HNRNPAB: variants seen among roughly 807,000 people sequenced by gnomAD.
HNRNPAB encodes ABBP-1.
In HNRNPAB, 17 loss-of-function variants were observed where a neutral mutation model predicts 44.1. The ratio of observed to expected loss-of-function variants is 0.39; its 90% CI spans 0.26 to 0.58. The LOEUF is 0.58. HNRNPAB is among the 20% of genes least tolerant of loss of function. The probability of loss-of-function intolerance (pLI) is 0.63; values close to 1 mark genes in which losing one functional copy is unlikely to be tolerated. For synonymous variants in HNRNPAB, 183 were observed against 167.6 expected, an observed-to-expected ratio of 1.09 and a Z score of -0.71; for missense variants, 393 against 432.7, an observed-to-expected ratio of 0.91 and a Z score of 0.81.
At chr5:178,209,501 TC>T in intron 6 of HNRNPAB, 54 bp downstream of exon 6, 1 of 1,475,966 alleles carries the variant, frequency 6.8e-7, no homozygotes, top group Non-Finnish European at 9.5e-7. Flanking sequence ...CATGGAGCCT[TC>T]CAAGCCTGTC....
chr5:178,205,186 G>C, intron 2 of HNRNPAB, 140 bp downstream of exon 2: 9 of 520,624 alleles, frequency 1.7e-5, no homozygotes, highest in Non-Finnish European at 2.5e-5. Flanking sequence ...CGCTGCGTTC[G>C]CGGGCCGGGC....
At chr5:178,209,577 G>C in intron 6 of HNRNPAB, 130 bp downstream of exon 6, 3 of 724,142 alleles carry the variant, frequency 4.1e-6, no homozygotes, top group South Asian at 1.7e-5. Flanking sequence ...GGACGAACAG[G>C]AATAGGAACG....
Position 178,207,007 on chromosome 5 carries a change from C to G in HNRNPAB, c.538-87C>G, listed in dbSNP as rs989283845. ...GCAGGGCTTATTTTTCACCCTCTGT[C>G]TTCAATGGGGTCTTTTCTCCTGTGA... On this transcript the variant is annotated intron_variant, in intron 4 of 7. Coordinates refer to ENST00000358344, the MANE Select transcript of HNRNPAB (RefSeq NM_031266.3). 6 of 1,587,672 alleles carry G rather than the reference C, an allele frequency of 3.8e-6. No individual in the cohort carries two copies. The Admixed American group carries it at 5.2e-5, about 14-fold the overall frequency.
chr5:178,210,237 A>G lies in HNRNPAB; in HGVS notation c.893A>G (p.Tyr298Cys), dbSNP rs1331172810. The change falls in exon 7 of 8, where the codon TAT (tyrosine) becomes TGT (cysteine). Residue 298 changes from tyrosine (Y) to cysteine (C), a missense_variant. Tyr to Cys is a radical substitution (Grantham distance 194). Around this residue, in one of 3 missense-constraint regions of HNRNPAB, gnomAD observed 210 missense variants for 196.9 expected, o/e 1.07. Transcript: ENST00000358344. Reference sequence around the variant, plus strand: ...TATGGCGGCTACGACTACTCGCCCTATGGCTATTACGGCTACGGCCCCGGC... The same window carrying G: ...TATGGCGGCTACGACTACTCGCCCTGTGGCTATTACGGCTACGGCCCCGGC... ...PGYGGYDYSP[Y>C]GYYGYGPGYD... 3 of 1,613,646 alleles carry G rather than the reference A, an allele frequency of 1.9e-6. No homozygotes were observed. Among genetic ancestry groups the G allele is most frequent in the Non-Finnish European group, 2.5e-6 (3 of 1,179,546 alleles).
In HNRNPAB at chr5:178,209,425, CGGAGGTGGTGGTGGAGGT is replaced by C. The variant is rs1581171562; in HGVS notation, c.773_787+3del. The C allele has an allele frequency of 1.2e-5, 19 of 1,614,014 alleles. No homozygotes were observed. In the East Asian group the frequency reaches 4.2e-4, roughly 36 times the overall value. ...ACCGCAACCGAGGGAACCGAGGCAG[CGGAGGTGGTGGTGGAGGT>C]GGAGGTGAGTGGAACGTGGATGAAG... On this transcript the variant is annotated inframe_deletion, in exon 6 of 8. Coordinates refer to ENST00000358344, the MANE Select transcript of HNRNPAB (RefSeq NM_031266.3).
intron 5 of HNRNPAB, among the ~76,000 whole-genome samples, chr5:178,207,691 C>CTTTTTTTTTTTTT (rs34424574): frequency 3.8e-5 from 3 of 78,758 alleles, no homozygotes; most frequent in South Asian, 5.6e-4. Context: ...ACTTTGAGCA[C>CTTTTTTTTTTTTT]TTTTTTTTTT....
At chr5:178,205,637 G>T in intron 2 of HNRNPAB, 1 of 548,644 alleles carries the variant, frequency 1.8e-6, no homozygotes. Flanking sequence ...CACAGGCTGG[G>T]GCTGCAGAGC....
At chr5:178,206,093 T>C (rs1757045255) in intron 3 of HNRNPAB, 83 bp downstream of exon 3, 1 of 1,346,934 alleles carries the variant, frequency 7.4e-7, no homozygotes, top group Middle Eastern at 2.0e-4. Flanking sequence ...CATGACTAGT[T>C]TGTGTGGTCT....
At chr5:178,209,241 C>T in intron 5 of HNRNPAB, 89 bp from the exon 6 acceptor site, 1 of 1,014,510 alleles carries the variant, frequency 9.9e-7, no homozygotes, top group Non-Finnish European at 1.6e-6. Context: ...CCTGATCCAC[C>T]ATTTGATGTT....
rs774905734 is a variant in HNRNPAB at position 178,210,660 on chromosome 5, C to T, written c.*37C>T. 6.6e-7 allele frequency: 1 copy of T among 1,525,714 alleles called. No homozygotes were observed. The highest frequency in any genetic ancestry group is 9.1e-7 in the Non-Finnish European group (1 of 1,099,864). 94.5% of individuals were successfully genotyped at this position (1,525,714 alleles called of 1,614,324 possible). ...GAGCGACCAACTGATCGCACACATG[C>T]TTTGTTTGGATATGGAGTGAACACA... On this transcript the variant is annotated 3_prime_UTR_variant, in exon 8 of 8. Coordinates refer to ENST00000358344, the MANE Select transcript of HNRNPAB (RefSeq NM_031266.3).
In HNRNPAB at chr5:178,207,163, AAAG is replaced by A. The variant is rs779825150; in HGVS notation, c.616_618del (p.Glu206del). On this transcript the variant is annotated inframe_deletion, in exon 5 of 8. Transcript: ENST00000358344. The stretch of plus-strand genomic sequence containing the variant: ...ACGAGGTTTTGTGTTTATCACCTTT[AAAG>A]AAGAAGAACCCGTGAAGAAGGTTCT... 44 of 1,614,062 alleles carry A rather than the reference AAAG, an allele frequency of 2.7e-5. No homozygotes were observed. Among genetic ancestry groups the A allele is most frequent in the East Asian group, 2.2e-5 (1 of 44,894 alleles).
At position 178,210,671 on chromosome 5, in the gene HNRNPAB, T is replaced by C. The variant is rs1581190036; in HGVS notation, c.*48T>C. On this transcript the variant is annotated 3_prime_UTR_variant, in exon 8 of 8. Transcript: ENST00000358344. ...TGATCGCACACATGCTTTGTTTGGA[T>C]ATGGAGTGAACACAATTATGTACCA... is the stretch of plus-strand genomic sequence containing the variant. 7.0e-7 allele frequency: 1 copy of C among 1,427,462 alleles called. No homozygotes were observed. The highest frequency in any genetic ancestry group is 2.3e-5 in the East Asian group (1 of 43,974). The allele number at this position is 1,427,462 out of a possible 1,614,324, so 88.4% of individuals were successfully genotyped here. A position where few individuals can be genotyped will look rare whatever the true frequency, so the allele number is the denominator to read the frequency against.
Position 178,210,287 on chromosome 5 carries a change from G to C in HNRNPAB, c.928+15G>C. The C allele has an allele frequency of 1.9e-6, 3 of 1,614,102 alleles. No homozygotes were observed. Among genetic ancestry groups the C allele is most frequent in the East Asian group, 2.2e-5 (1 of 44,882 alleles). On this transcript the variant is annotated intron_variant, in intron 7 of 7. Coordinates refer to ENST00000358344, the MANE Select transcript of HNRNPAB (RefSeq NM_031266.3). ...CTACGACTACAGTAAGTAGGAGAGA[G>C]GGAGGCCCCATCCGCTCACCCCTCG...
intron 3 of HNRNPAB, among the ~76,000 whole-genome samples, 171 bp from the exon 4 acceptor site, chr5:178,206,561 C>A (rs549089536): frequency 5.9e-4 from 90 of 152,294 alleles, no homozygotes; most frequent in Non-Finnish European, 9.4e-4. Context: ...TCGAGGTAAA[C>A]CAGCTGTACT....
At chr5:178,206,068 A>C (rs1314685003) in intron 3 of HNRNPAB, 58 bp downstream of exon 3, 1 of 1,493,348 alleles carries the variant, frequency 6.7e-7, no homozygotes, top group Non-Finnish European at 9.2e-7. Flanking sequence ...TTCTAAGAGG[A>C]CACCTTTCTT....
At position 178,210,816 on chromosome 5, in the gene HNRNPAB, G is replaced by A. The variant is rs1581192473; in HGVS notation, c.*193G>A. On this transcript the variant is annotated 3_prime_UTR_variant, in exon 8 of 8. Transcript: ENST00000358344. ...GCTCTAGGTGTTTAGGCAGCGTGTGGTGTCTGAGAGGCCATAGCGCCATCA... is the reference window on the plus strand; with the variant it reads ...GCTCTAGGTGTTTAGGCAGCGTGTGATGTCTGAGAGGCCATAGCGCCATCA... The A allele has an allele frequency of 1.5e-5, 9 of 604,638 alleles. No individual in the cohort carries two copies. In the East Asian group the frequency reaches 2.2e-4, roughly 15 times the overall value. The allele number at this position is 604,638 out of a possible 1,614,324, so 37.5% of individuals were successfully genotyped here. A position where few individuals can be genotyped will look rare whatever the true frequency, so the allele number is the denominator to read the frequency against.
intron 7 of HNRNPAB, 63 bp downstream of exon 7, chr5:178,210,335 G>GT: frequency 6.2e-7 from 1 of 1,606,680 alleles, no homozygotes; most frequent in Non-Finnish European, 8.5e-7. Context: ...GCAGGACAGT[G>GT]TAGGAGCCAC....
At position 178,205,834 on chromosome 5, in the gene HNRNPAB, C is replaced by T; in HGVS notation, c.210-8C>T. 3 of 1,611,984 alleles carry T rather than the reference C, an allele frequency of 1.9e-6. No individual in the cohort carries two copies. The highest frequency in any genetic ancestry group is 2.5e-6 in the Non-Finnish European group (3 of 1,178,702). On this transcript the variant is annotated splice_region_variant and splice_polypyrimidine_tract_variant and intron_variant, in intron 2 of 7. Transcript: ENST00000358344. ...CTTGTTGCCGTGTGTCTCACCCTAC[C>T]ATTTCAGAAAAATGTTCGTTGGTGG...
chr5:178,206,651 C>A, intron 3 of HNRNPAB, 81 bp from the exon 4 acceptor site: 1 of 1,362,422 alleles, frequency 7.3e-7, no homozygotes, highest in Non-Finnish European at 1.0e-6. Flanking sequence ...TGTATCTGTA[C>A]TGGTGTCTTT....
Sources: allele counts gnomAD v4.1 joint callset (sites outside exome capture counted in the v4.1 genomes callset), GRCh38; gene constraint gnomAD v4.1.1; regional missense constraint gnomAD v4.1.1; transcripts MANE v1.5; gene names NCBI Gene and HGNC (gene_info 2026-07-23, HGNC 2026-07-21).